Variants in ZBTB43 observed in about 807,000 individuals in gnomAD.
ZBTB43 encodes the protein zinc finger and BTB domain-containing protein 43.
Under a neutral mutation model 31.1 loss-of-function variants are expected in ZBTB43, and 6 were observed. The observed-to-expected ratio is 0.19, with a 90% CI of 0.11 to 0.38. The LOEUF (loss-of-function observed/expected upper bound fraction) is 0.38. ZBTB43 is among the 10% of genes least tolerant of loss of function. The pLI is 1.00. For synonymous variants in ZBTB43, 212 were observed against 221.7 expected, an observed-to-expected ratio of 0.96 and a Z score of 0.39; for missense variants, 379 against 602.1, an observed-to-expected ratio of 0.63 and a Z score of 3.88.
chr9:126,818,119 C>CTT (rs573239954), intron 2 of ZBTB43, among the ~76,000 whole-genome samples: 5 of 133,368 alleles, frequency 3.7e-5, no homozygotes, highest in African/African-American at 5.5e-5. Flanking sequence ...TTTTCTTTTT[C>CTT]TTTTTTTTTT....
intron 2 of ZBTB43, among the ~76,000 whole-genome samples, chr9:126,814,329 T>TA (rs2032323960): frequency 2.5e-3 from 15 of 6,084 alleles, no homozygotes; most frequent in South Asian, 7.0e-3. Context: ...CTGTAAAATG[T>TA]AAATTTTACA....
At chr9:126,813,973 A>G (rs937989812) in intron 2 of ZBTB43, among the ~76,000 whole-genome samples, 1 of 152,106 alleles carries the variant, frequency 6.6e-6, no homozygotes, top group Non-Finnish European at 1.5e-5. Context: ...AGCCACGTAT[A>G]TTATCATTTT....
rs2032789262 is a variant in ZBTB43, at chr9:126,832,703, A to G, written c.194A>G (p.Lys65Arg). 2 of 1,614,046 alleles carry G rather than the reference A, an allele frequency of 1.2e-6. No individual in the cohort carries two copies. The highest frequency in any genetic ancestry group is 1.3e-5 in the African/African-American group (1 of 74,908). ...TACTTTTGTGACCAGGTACTCCTGAAAAACAGCAGGAGAATTGTTTTGCCT... is the reference window on the plus strand; with the variant it reads ...TACTTTTGTGACCAGGTACTCCTGAGAAACAGCAGGAGAATTGTTTTGCCT... ...SPYFCDQVLL[K>R]NSRRIVLPDV... Residue 65 changes from lysine to arginine, a missense_variant, in exon 3 of 3, where the codon AAA becomes AGA. By Grantham distance (26) the Lys-to-Arg change is conservative (BLOSUM62 2). Around this residue, in one of 5 missense-constraint regions of ZBTB43, gnomAD observed 79 missense variants for 134.4 expected, o/e 0.59. Transcript: ENST00000373464.
At position 126,834,024 on chromosome 9, in the gene ZBTB43, A is replaced by G. The variant is rs2032827860; in HGVS notation, c.*111A>G. On this transcript the variant is annotated 3_prime_UTR_variant, in exon 3 of 3. Transcript: ENST00000373464. Reference sequence around the variant, plus strand: ...TGCTATTATGAGAGAAGCTTAAAAAAAAAAAGGAAGATATTTCTGAAAGAC... The same window carrying G: ...TGCTATTATGAGAGAAGCTTAAAAAGAAAAAGGAAGATATTTCTGAAAGAC... 1.6e-6 allele frequency: 2 copies of G among 1,214,390 alleles called. No individual in the cohort carries two copies. Among genetic ancestry groups the G allele is most frequent in the Non-Finnish European group, 2.2e-6 (2 of 893,650 alleles). 75.2% of individuals were successfully genotyped at this position (1,214,390 alleles called of 1,614,324 possible).
chr9:126,826,721 C>T (rs2032649399), intron 2 of ZBTB43, among the ~76,000 whole-genome samples: 1 of 151,654 alleles, frequency 6.6e-6, no homozygotes, highest in African/African-American at 2.4e-5. Context: ...GCCTCAGCTT[C>T]CCAAAGTGCT....
At chr9:126,808,306 G>A (rs938536340) in intron 1 of ZBTB43, among the ~76,000 whole-genome samples, 3 of 152,134 alleles carry the variant, frequency 2.0e-5, no homozygotes, top group African/African-American at 7.2e-5. Flanking sequence ...AAATTGAAGG[G>A]AATCATGAAT....
chr9:126,807,216 T>C (rs779642701), intron 1 of ZBTB43, among the ~76,000 whole-genome samples: 12 of 152,256 alleles, frequency 7.9e-5, no homozygotes, highest in Non-Finnish European at 8.8e-5. Context: ...ACCCTGCTAA[T>C]TGAACTATGG....
In ZBTB43 at chr9:126,818,105, G is replaced by GT. The variant is rs1307383493; in HGVS notation, c.-24+9197dup. On this transcript the variant is annotated intron_variant, in intron 2 of 2. Coordinates refer to ENST00000373464, the MANE Select transcript of ZBTB43 (RefSeq NM_014007.4). ...TAATTTATTTCAGCAGTGTTTTGTA[G>GT]TTTTTTTCTTTTTCTTTTTTTTTTT... 1.6e-3 allele frequency among the ~76,000 whole-genome samples: 236 copies of GT among 146,138 alleles called. 1 individual carries two copies. The highest frequency in any genetic ancestry group is 4.8e-3 in the African/African-American group (194 of 40,088).
intron 2 of ZBTB43, among the ~76,000 whole-genome samples, chr9:126,828,844 A>G (rs747224265): frequency 1.6e-4 from 25 of 152,026 alleles, no homozygotes; most frequent in Non-Finnish European, 2.8e-4. Flanking sequence ...CTGAATTTAC[A>G]AAAAGCCCCA....
intron 2 of ZBTB43, among the ~76,000 whole-genome samples, chr9:126,812,009 A>G (rs2032261551): frequency 6.6e-6 from 1 of 152,062 alleles, no homozygotes; most frequent in Non-Finnish European, 1.5e-5. Flanking sequence ...ACAGATTTGT[A>G]TACCCATCAC....
At position 126,834,649 on chromosome 9, in the gene ZBTB43, A is replaced by C. The variant is rs1246828947; in HGVS notation, c.*736A>C. On this transcript the variant is annotated 3_prime_UTR_variant, in exon 3 of 3. Coordinates refer to ENST00000373464, the MANE Select transcript of ZBTB43 (RefSeq NM_014007.4). Reference sequence around the variant, plus strand: ...ACATTGAGTTTGGACAATTTTATCTAATTGTAATTCTCTAGGGTGCCAGAG... The same window carrying C: ...ACATTGAGTTTGGACAATTTTATCTCATTGTAATTCTCTAGGGTGCCAGAG... 6.0e-6 allele frequency: 1 copy of C among 166,930 alleles called. No individual in the cohort carries two copies. Among genetic ancestry groups the C allele is most frequent in the Non-Finnish European group, 1.5e-5 (1 of 68,112 alleles). The allele number at this position is 166,930 out of a possible 1,614,324, so 10.3% of individuals were successfully genotyped here.
intron 2 of ZBTB43, among the ~76,000 whole-genome samples, chr9:126,826,627 C>A (rs564322183): frequency 5.9e-5 from 9 of 151,910 alleles, no homozygotes; most frequent in Non-Finnish European, 1.3e-4. Context: ...CCACGCCTGG[C>A]TAATTTTTTG....
intron 2 of ZBTB43, among the ~76,000 whole-genome samples, chr9:126,819,698 T>G (rs2032469689): frequency 6.6e-6 from 1 of 152,158 alleles, no homozygotes; most frequent in Non-Finnish European, 1.5e-5. Context: ...GTCATATGCT[T>G]CTTACTTGAA....
In ZBTB43 at chr9:126,832,911, A is replaced by G. The variant is rs762195433; in HGVS notation, c.402A>G (p.Leu134=). 3.1e-6 allele frequency: 5 copies of G among 1,613,924 alleles called. No individual in the cohort carries two copies. In the East Asian group the frequency reaches 8.9e-5, roughly 29 times the overall value. ...EGNPTVLCQK[L]NHGSDHQSPS... is the part of the protein sequence containing the mutation. ...ACCCTACAGTCCTTTGTCAGAAGCTAAATCATGGCAGTGACCACCAGTCAC... is the reference window on the plus strand; with the variant it reads ...ACCCTACAGTCCTTTGTCAGAAGCTGAATCATGGCAGTGACCACCAGTCAC... The change falls in exon 3 of 3, where the codon CTA becomes CTG. Residue 134 remains leucine, a synonymous_variant. Transcript: ENST00000373464.
At chr9:126,813,963 A>G (rs2032305248) in intron 2 of ZBTB43, among the ~76,000 whole-genome samples, 1 of 152,192 alleles carries the variant, frequency 6.6e-6, no homozygotes, top group Admixed American at 6.5e-5. Flanking sequence ...TGTTCTCTGT[A>G]GCCACGTATA....
chr9:126,804,712 T>C (rs976906552), upstream of ZBTB43, among the ~76,000 whole-genome samples: 2 of 152,250 alleles, frequency 1.3e-5, no homozygotes, highest in South Asian at 4.1e-4. Context: ...CTCGAACTCC[T>C]AGCCTCAAGC....
intron 2 of ZBTB43, among the ~76,000 whole-genome samples, chr9:126,828,857 G>C (rs2032708573): frequency 6.6e-6 from 1 of 151,872 alleles, no homozygotes; most frequent in South Asian, 2.1e-4. Context: ...AAGCCCCACA[G>C]ATCAATAAGA....
rs377245538 is a variant in ZBTB43, at chr9:126,811,489, TTATA to T, written c.-24+2578_-24+2581del. 7.9e-5 allele frequency among the ~76,000 whole-genome samples: 12 copies of T among 152,330 alleles called. 1 individual carries two copies. The highest frequency in any genetic ancestry group is 2.9e-4 in the African/African-American group (12 of 41,586). ...TTGTACAATGTCTGTATTAAGCAGTTTATATATTTGTATATGTATGTCATAAATA... is the reference window on the plus strand; with the variant it reads ...TTGTACAATGTCTGTATTAAGCAGTTTATTTGTATATGTATGTCATAAATA... On this transcript the variant is annotated intron_variant, in intron 2 of 2. Transcript: ENST00000373464.
chr9:126,830,299 C>T lies in ZBTB43; in HGVS notation c.-23-2188C>T, dbSNP rs112611888. 7.2e-3 allele frequency among the ~76,000 whole-genome samples: 1,102 copies of T among 152,348 alleles called. 16 individuals carry two copies. The highest frequency in any genetic ancestry group is 0.025 in the African/African-American group (1,029 of 41,566). ...TCTCTTGTCATCTCTCCCTATCCCT[C>T]GAAGATGACTTTCAGTCTTTGTCTG... On this transcript the variant is annotated intron_variant, in intron 2 of 2. Transcript: ENST00000373464.
Sources: allele counts gnomAD v4.1 joint callset (sites outside exome capture counted in the v4.1 genomes callset), GRCh38; gene constraint gnomAD v4.1.1; regional missense constraint gnomAD v4.1.1; transcripts MANE v1.5; gene names NCBI Gene and HGNC (gene_info 2026-07-23, HGNC 2026-07-21).